DSCAM: variants seen among roughly 807,000 people sequenced by gnomAD.
The protein encoded by DSCAM is cell adhesion molecule DSCAM.
In DSCAM, 47 loss-of-function variants were observed where a neutral mutation model predicts 217.7. The ratio of observed to expected loss-of-function variants is 0.22; its 90% CI spans 0.17 to 0.28. DSCAM has a LOEUF of 0.28. Among genes scored for constraint, DSCAM ranks in the 10% least tolerant of loss-of-function variants. The pLI is 1.00. For missense variants in DSCAM, 2,080 were observed against 2,618.3 expected, an observed-to-expected ratio of 0.79 and a Z score of 4.49; for synonymous variants, 1,056 against 1,015.3, an observed-to-expected ratio of 1.04 and a Z score of -0.76.
At chr21:40,801,984 T>G (rs559199305) in intron 1 of DSCAM, among the ~76,000 whole-genome samples, 3 of 152,250 alleles carry the variant, frequency 2.0e-5, no homozygotes, top group African/African-American at 7.2e-5. Context: ...TAATATCTAA[T>G]GGAGCCATAG....
chr21:40,326,980 T>C lies in DSCAM; in HGVS notation c.1783+11121A>G, dbSNP rs2074324568. Among the ~76,000 whole-genome samples, 6 of 150,650 alleles carry C rather than the reference T, an allele frequency of 4.0e-5. No individual in the cohort carries two copies. In the South Asian group the frequency reaches 1.3e-3, roughly 31 times the overall value. On this transcript the variant is annotated intron_variant, in intron 8 of 32. Transcript: ENST00000400454. ...ATATATCTTTATATTTAAAATATAATGCATATAAATGTTATATAGGTGTAT... is the reference window on the plus strand; with the variant it reads ...ATATATCTTTATATTTAAAATATAACGCATATAAATGTTATATAGGTGTAT...
chr21:40,491,636 A>G (rs995051255), intron 3 of DSCAM, among the ~76,000 whole-genome samples: 11 of 152,022 alleles, frequency 7.2e-5, no homozygotes, highest in South Asian at 6.2e-4. Context: ...CCCTCCTTCT[A>G]TAAACACCCC....
chr21:40,037,482 G>C (rs1466733194), intron 32 of DSCAM, among the ~76,000 whole-genome samples: 1 of 143,028 alleles, frequency 7.0e-6, no homozygotes, highest in African/African-American at 2.8e-5. Flanking sequence ...CCTCTTCAAG[G>C]AGAACTACAA....
At chr21:40,786,702 G>C (rs569201906) in intron 1 of DSCAM, among the ~76,000 whole-genome samples, 1 of 152,274 alleles carries the variant, frequency 6.6e-6, no homozygotes, top group Non-Finnish European at 1.5e-5. Flanking sequence ...CTTGGGATTC[G>C]TCAGAGTTCC....
chr21:40,571,344 G>A (rs1203135076), intron 3 of DSCAM, among the ~76,000 whole-genome samples: 1 of 152,136 alleles, frequency 6.6e-6, no homozygotes, highest in Non-Finnish European at 1.5e-5. Flanking sequence ...TATTCAAGGT[G>A]ATAGATATCT....
At chr21:40,139,327 A>T (rs1480783401) in intron 18 of DSCAM, among the ~76,000 whole-genome samples, 1 of 152,006 alleles carries the variant, frequency 6.6e-6, no homozygotes, top group Non-Finnish European at 1.5e-5. Context: ...TATACATTTT[A>T]GGGAGACGTG....
intron 3 of DSCAM, among the ~76,000 whole-genome samples, chr21:40,495,922 C>T (rs2076114744): frequency 6.6e-6 from 1 of 152,062 alleles, no homozygotes; most frequent in South Asian, 2.1e-4. Flanking sequence ...AAAATAGTCT[C>T]ATTTTTTACA....
At position 40,312,080 on chromosome 21, in the gene DSCAM, C is replaced by G; in HGVS notation, c.2062+1G>C. 6.2e-7 allele frequency: 1 copy of G among 1,613,396 alleles called. No homozygotes were observed. The highest frequency in any genetic ancestry group is 8.5e-7 in the Non-Finnish European group (1 of 1,179,506). ...CACATGGCTCATGATCCTTTGCTCA[C>G]CTCTGACAATCAACTGGCTTTGGTG... is the stretch of plus-strand genomic sequence containing the variant. On this transcript the variant is annotated splice_donor_variant, in intron 9 of 32. Transcript: ENST00000400454. LOFTEE classifies it high-confidence loss of function.
At chr21:40,428,238 G>T (rs1348966414) in intron 3 of DSCAM, among the ~76,000 whole-genome samples, 1 of 7,986 alleles carries the variant, frequency 1.3e-4, no homozygotes, top group Non-Finnish European at 2.9e-4. Context: ...AATACTTTGT[G>T]TGTGTGTGTG....
At chr21:40,442,267 C>T (rs1262209216) in intron 3 of DSCAM, among the ~76,000 whole-genome samples, 1 of 152,014 alleles carries the variant, frequency 6.6e-6, no homozygotes, top group East Asian at 1.9e-4. Context: ...TATACATTTA[C>T]ATGCATATGT....
chr21:40,811,530 C>T (rs547286343), intron 1 of DSCAM, among the ~76,000 whole-genome samples: 2 of 152,276 alleles, frequency 1.3e-5, no homozygotes, highest in Middle Eastern at 3.4e-3. Flanking sequence ...AATGGGCGCA[C>T]GTGGAGTCAG....
At chr21:40,629,687 T>G (rs979621517) in intron 3 of DSCAM, 1 of 152,214 alleles carries the variant, frequency 6.6e-6, no homozygotes, top group African/African-American at 2.4e-5. Flanking sequence ...TAATCAGCCT[T>G]TGTTGTTCGA....
At chr21:40,616,676 T>C (rs1413102429) in intron 3 of DSCAM, among the ~76,000 whole-genome samples, 1 of 151,998 alleles carries the variant, frequency 6.6e-6, no homozygotes, top group East Asian at 1.9e-4. Flanking sequence ...ACCATAGTCC[T>C]GAGTCTCCCT....
At chr21:40,499,247 A>T (rs946346755) in intron 3 of DSCAM, among the ~76,000 whole-genome samples, 1 of 152,166 alleles carries the variant, frequency 6.6e-6, no homozygotes, top group Non-Finnish European at 1.5e-5. Context: ...GTAAAACACC[A>T]TATGTCAAAT....
Position 40,818,468 on chromosome 21 carries a change from C to T in DSCAM, c.43+28151G>A, listed in dbSNP as rs576179224. Among the ~76,000 whole-genome samples, 35 of 140,020 alleles carry T rather than the reference C, an allele frequency of 2.5e-4. 1 individual carries two copies. The South Asian group carries it at 7.4e-3, about 30-fold the overall frequency. 91.9% of individuals were successfully genotyped at this position (140,020 alleles called of 152,430 possible). ...GGCTGAGGCAGGAGAATGGCCTGAA[C>T]CCGGGAGGTGGAGCTTGCAGTGAGC... On this transcript the variant is annotated intron_variant, in intron 1 of 32. Coordinates refer to ENST00000400454, the MANE Select transcript of DSCAM (RefSeq NM_001389.5).
intron 10 of DSCAM, among the ~76,000 whole-genome samples, chr21:40,290,314 T>C (rs886467771): frequency 6.6e-6 from 1 of 151,990 alleles, no homozygotes; most frequent in Non-Finnish European, 1.5e-5. Flanking sequence ...AACACCAAAT[T>C]ATAGACTAAA....
chr21:40,756,672 A>T (rs1395572761), intron 1 of DSCAM, among the ~76,000 whole-genome samples: 1 of 151,980 alleles, frequency 6.6e-6, no homozygotes, highest in Non-Finnish European at 1.5e-5. Flanking sequence ...GATTACAGGC[A>T]TGAGCCACCA....
chr21:40,312,227 C>T lies in DSCAM; in HGVS notation c.1916G>A (p.Gly639Glu). 1 of 1,614,048 alleles carries T rather than the reference C, an allele frequency of 6.2e-7. No individual in the cohort carries two copies. The highest frequency in any genetic ancestry group is 8.5e-7 in the Non-Finnish European group (1 of 1,179,998). Residue 639 changes from glycine to glutamate, a missense_variant, in exon 9 of 33, where the codon GGG becomes GAG. Around this residue, in one of 5 missense-constraint regions of DSCAM, gnomAD observed 218 missense variants for 364.1 expected, o/e 0.60. Transcript: ENST00000400454. ...TWQKDGRPIPGSLGVTIDNID... is the reference protein window; with the variant it reads ...TWQKDGRPIPESLGVTIDNID... The stretch of plus-strand genomic sequence containing the variant: ...ATTGTCAATGGTCACCCCAAGGCTC[C>T]CAGGGATTGGCCGGCCATCCTTCTG...
At chr21:40,189,688 T>G (rs1368839921) in intron 11 of DSCAM, among the ~76,000 whole-genome samples, 3 of 152,154 alleles carry the variant, frequency 2.0e-5, no homozygotes, top group Admixed American at 6.5e-5. Flanking sequence ...TCTTATGAGA[T>G]CTGATGGTTT....
Sources: allele counts gnomAD v4.1 joint callset (sites outside exome capture counted in the v4.1 genomes callset), GRCh38; gene constraint gnomAD v4.1.1; regional missense constraint gnomAD v4.1.1; transcripts MANE v1.5; gene names NCBI Gene and HGNC (gene_info 2026-07-23, HGNC 2026-07-21).